CSF2RA: variants seen among roughly 807,000 people sequenced by gnomAD.
CSF2RA encodes the protein colony stimulating factor 2 receptor subunit alpha.
Under a neutral mutation model 51.6 loss-of-function variants are expected in CSF2RA, and 42 were observed. That is an observed-to-expected ratio of 0.81 (90% confidence interval 0.64 to 1.05). CSF2RA has a LOEUF of 1.05. Ranked by LOEUF, CSF2RA falls within the 50% of genes least tolerant of loss-of-function variation. The pLI, the probability that CSF2RA is intolerant of heterozygous loss-of-function variation, is 0.00. For missense variants in CSF2RA, 530 were observed against 501.1 expected (o/e 1.06, Z -0.55); for synonymous variants, 222 against 193.0 (o/e 1.15, Z -1.24).
chrX:1,296,666 AGT>A, intron 9 of CSF2RA, among the ~76,000 whole-genome samples: 1 of 46,830 alleles, frequency 2.1e-5, no homozygotes, highest in Admixed American at 2.1e-4. Flanking sequence ...CGACCCCTAC[AGT>A]CTCCTACCCA....
Position 1,290,524 on chromosome X carries a change from T to C in CSF2RA, c.646+15T>C. 1 of 1,611,946 alleles carries C rather than the reference T, an allele frequency of 6.2e-7. No individual in the cohort carries two copies. On this transcript the variant is annotated intron_variant, in intron 7 of 12. Coordinates refer to ENST00000381529, the MANE Select transcript of CSF2RA (RefSeq NM_172245.4). ...AAAGAAAATAGGTGAGAATAACACA[T>C]ATGATTTTCCTATTGTTTATAGGTG...
intron 3 of CSF2RA, among the ~76,000 whole-genome samples, chrX:1,284,404 T>C (rs1170759984): frequency 1.9e-4 from 28 of 143,982 alleles, no homozygotes; most frequent in African/African-American, 7.0e-4. Context: ...AGAGGAGATC[T>C]TGCTATGTTG....
intron 6 of CSF2RA, among the ~76,000 whole-genome samples, chrX:1,289,712 G>A (rs754375936): frequency 7.1e-6 from 1 of 141,294 alleles, no homozygotes; most frequent in Non-Finnish European, 1.5e-5. Context: ...TTTTTTGTTT[G>A]TGTTTTGGTG....
intron 6 of CSF2RA, among the ~76,000 whole-genome samples, chrX:1,289,695 T>TTTGTC (rs2091160635): frequency 6.6e-6 from 1 of 151,752 alleles, no homozygotes. Context: ...TTGTTTTTGT[T>TTTGTC]TTGTGTTTTT....
chrX:1,316,295 TAGATAGATAGACAGAC>T, the CSF2RA span, among the ~76,000 whole-genome samples: 1 of 145,480 alleles, frequency 6.9e-6, no homozygotes, highest in Non-Finnish European at 1.5e-5. Flanking sequence ...GATAGATAGA[TAGATAGATAGACAGAC>T]AGACAGACAG....
downstream of CSF2RA, among the ~76,000 whole-genome samples, chrX:1,311,994 T>C (rs1405855554): frequency 1.3e-5 from 2 of 151,592 alleles, no homozygotes; most frequent in African/African-American, 4.8e-5. Context: ...TCTCGCTCTG[T>C]CATTCAGGCT....
Position 1,300,584 on chromosome X carries a change from C to T in CSF2RA, c.904C>T (p.Arg302Cys), listed in dbSNP as rs760925182. 5.0e-6 allele frequency: 8 copies of T among 1,613,742 alleles called. No homozygotes were observed. Among genetic ancestry groups the T allele is most frequent in the Admixed American group, 1.7e-5 (1 of 59,954 alleles). ...TGTGAAGATCAGAGCTGCAGACGTC[C>T]GCATCTTGAATTGGAGCTCCTGGAG... ...HSVKIRAADV[R>C]ILNWSSWSEA... The change falls in exon 10 of 13, where the codon CGC (arginine) becomes TGC (cysteine). Residue 302 changes from arginine (R) to cysteine (C), a missense_variant. Physicochemically the swap from Arg to Cys is radical, Grantham distance 180 (BLOSUM62 -3). Coordinates refer to ENST00000381529, the MANE Select transcript of CSF2RA (RefSeq NM_172245.4).
chrX:1,321,103 C>T, the CSF2RA span, among the ~76,000 whole-genome samples: 13 of 152,078 alleles, frequency 8.5e-5, no homozygotes, highest in African/African-American at 3.1e-4. Context: ...CTCGGCCTCC[C>T]AAAGTGCTGA....
At chrX:1,272,815 T>C (rs28881875) in intron 1 of CSF2RA, among the ~76,000 whole-genome samples, 38,532 of 126,980 alleles carry the variant, frequency 0.3, 6,250 homozygotes, top group African/African-American at 0.47. Flanking sequence ...TTTTTTTTCT[T>C]TCTTTTTTTC....
At chrX:1,301,257 G>A (rs1487328590) in intron 10 of CSF2RA, among the ~76,000 whole-genome samples, 4 of 146,916 alleles carry the variant, frequency 2.7e-5, no homozygotes, top group African/African-American at 5.0e-5. Context: ...ACTTGAACCC[G>A]GGAGGTGGAG....
intron 9 of CSF2RA, 84 bp downstream of exon 9, chrX:1,295,540 TC>T (rs1168836347): frequency 2.2e-5 from 25 of 1,122,764 alleles, no homozygotes; most frequent in African/African-American, 6.5e-5. Context: ...AACTCTACAG[TC>T]CCCTACTCAT....
chrX:1,306,038 C>T (rs2083532455), intron 12 of CSF2RA: 1 of 464,810 alleles, frequency 2.2e-6, no homozygotes, highest in East Asian at 4.2e-5. Context: ...GCCGAGATCG[C>T]ACCACTGCAC....
At position 1,287,125 on chromosome X, in the gene CSF2RA, C is replaced by G. The variant is rs1465992107; in HGVS notation, c.219+1205C>G. ...CTACACGGAGGGATGGGTGGTCTTGCTATGTTACCCCAGATGACATACTTT... is the reference window on the plus strand; with the variant it reads ...CTACACGGAGGGATGGGTGGTCTTGGTATGTTACCCCAGATGACATACTTT... On this transcript the variant is annotated intron_variant, in intron 4 of 12. Transcript: ENST00000381529. 3.4e-5 allele frequency: 5 copies of G among 147,858 alleles called. No homozygotes were observed. In the Admixed American group the frequency reaches 3.4e-4, roughly 10 times the overall value. The allele number at this position is 147,858 out of a possible 1,614,324, so 9.2% of individuals were successfully genotyped here.
chrX:1,299,156 G>T (rs1215224711), intron 9 of CSF2RA, among the ~76,000 whole-genome samples: 1 of 152,174 alleles, frequency 6.6e-6, no homozygotes, highest in African/African-American at 2.4e-5. Flanking sequence ...TGCTCAGCCT[G>T]TTCTACTGAT....
At chrX:1,306,373 G>A (rs1424229602) in intron 12 of CSF2RA, among the ~76,000 whole-genome samples, 11 of 151,890 alleles carry the variant, frequency 7.2e-5, no homozygotes, top group East Asian at 2.0e-4. Context: ...GGGGCCGGTC[G>A]CGGTGACTCA....
chrX:1,298,882 C>T (rs2092184120), intron 9 of CSF2RA, among the ~76,000 whole-genome samples: 1 of 152,140 alleles, frequency 6.6e-6, no homozygotes, highest in Admixed American at 6.6e-5. Flanking sequence ...TGCCCCACGT[C>T]TACCTGGATC....
In CSF2RA at chrX:1,300,540, A is replaced by G. The variant is rs1198994594; in HGVS notation, c.860A>G (p.Glu287Gly). 6.2e-7 allele frequency: 1 copy of G among 1,613,948 alleles called. No homozygotes were observed. The highest frequency in any genetic ancestry group is 1.1e-5 in the South Asian group (1 of 91,074). ...LENRYNFPSS[E>G]PRAKHSVKIR... Reference sequence around the variant, plus strand: ...AATAGATACAACTTTCCAAGCTCTGAGCCCAGAGCAAAACACAGTGTGAAG... The same window carrying G: ...AATAGATACAACTTTCCAAGCTCTGGGCCCAGAGCAAAACACAGTGTGAAG... Residue 287 changes from glutamate (E) to glycine (G), a missense_variant, in exon 10 of 13, where the codon GAG becomes GGG. Coordinates refer to ENST00000381529, the MANE Select transcript of CSF2RA (RefSeq NM_172245.4).
intron 10 of CSF2RA, 95 bp downstream of exon 10, chrX:1,300,721 C>A: frequency 2.6e-6 from 4 of 1,531,578 alleles, no homozygotes; most frequent in South Asian, 1.1e-5. Context: ...GCGCTGAGAT[C>A]GAGTTGAGCA....
the CSF2RA span, among the ~76,000 whole-genome samples, chrX:1,324,320 C>G: frequency 7.2e-6 from 1 of 138,664 alleles, no homozygotes; most frequent in Non-Finnish European, 1.5e-5. Context: ...ATAGCAAGAT[C>G]CTGTCTCTAA....
Sources: allele counts gnomAD v4.1 joint callset (sites outside exome capture counted in the v4.1 genomes callset), GRCh38; gene constraint gnomAD v4.1.1; transcripts MANE v1.5; gene names NCBI Gene and HGNC (gene_info 2026-07-23, HGNC 2026-07-21).